Variants in UBE2Z observed in about 807,000 individuals in gnomAD.
UBE2Z encodes the protein ubiquitin-conjugating enzyme E2 Z.
UBE2Z carries 10 observed loss-of-function variants against 32.6 expected under a neutral mutation model. The observed-to-expected ratio is 0.31, with a 90% confidence interval of 0.19 to 0.52. The LOEUF (loss-of-function observed/expected upper bound fraction) is 0.52. Among genes scored for constraint, UBE2Z ranks in the 20% least tolerant of loss-of-function variants. The pLI, the probability that UBE2Z is intolerant of heterozygous loss-of-function variation, is 0.97. For synonymous variants in UBE2Z, 183 were observed against 190.8 expected (o/e 0.96, Z 0.34); for missense variants, 343 against 480.9 (o/e 0.71, Z 2.68).
rs1280771034 is a variant in UBE2Z, at chr17:48,913,014, A to G, written c.571A>G (p.Ile191Val). 2 of 1,613,682 alleles carry G rather than the reference A, an allele frequency of 1.2e-6. No homozygotes were observed. Among genetic ancestry groups the G allele is most frequent in the Non-Finnish European group, 1.7e-6 (2 of 1,179,656 alleles). Reference protein sequence around the residue: ...FYRNGKVCLSILGTWTGPAWS... With the variant: ...FYRNGKVCLSVLGTWTGPAWS... ...CCGCAATGGGAAAGTCTGCTTGAGT[A>G]TTCTAGGGTAAGAGGAGACTTTTAA... The change falls in exon 3 of 7, where the codon ATT becomes GTT. Residue 191 changes from isoleucine to valine, a missense_variant. By Grantham distance (29) the Ile-to-Val change is conservative. Coordinates refer to ENST00000360943, the MANE Select transcript of UBE2Z (RefSeq NM_023079.5).
At chr17:48,925,791 T>C (rs76600803) in intron 6 of UBE2Z, among the ~76,000 whole-genome samples, 148 of 152,240 alleles carry the variant, frequency 9.7e-4, no homozygotes, top group African/African-American at 3.5e-3. Flanking sequence ...GGGAGTTAAC[T>C]CTCATGAAGG....
chr17:48,925,363 C>T (rs1307000306), intron 6 of UBE2Z, among the ~76,000 whole-genome samples: 9 of 152,012 alleles, frequency 5.9e-5, no homozygotes, highest in East Asian at 1.9e-4. Flanking sequence ...CTCCAGCTCT[C>T]GTACTATGTC....
chr17:48,922,640 G>T (rs956905533), intron 5 of UBE2Z, among the ~76,000 whole-genome samples: 1 of 150,734 alleles, frequency 6.6e-6, no homozygotes, highest in Non-Finnish European at 1.5e-5. Context: ...GGTGGCATAT[G>T]CCTGTAATCC....
chr17:48,914,678 T>C (rs1425319558), intron 3 of UBE2Z, among the ~76,000 whole-genome samples: 1 of 152,020 alleles, frequency 6.6e-6, no homozygotes, highest in African/African-American at 2.4e-5. Flanking sequence ...GTGTGTTAGG[T>C]AGAAAAGGAG....
At chr17:48,918,236 C>T (rs1598074512) in intron 4 of UBE2Z, among the ~76,000 whole-genome samples, 1 of 152,112 alleles carries the variant, frequency 6.6e-6, no homozygotes, top group East Asian at 1.9e-4. Context: ...CCATGCCTGG[C>T]CAACTTAATT....
chr17:48,922,694 G>C (rs1439359911), intron 5 of UBE2Z, among the ~76,000 whole-genome samples, 153 bp from the exon 6 acceptor site: 2 of 151,992 alleles, frequency 1.3e-5, no homozygotes. Context: ...ATGAATCCGG[G>C]AGGCAGAGGT....
rs142150875 is a variant in UBE2Z at position 48,912,423 on chromosome 17, C to T, written c.391-411C>T. On this transcript the variant is annotated intron_variant, in intron 2 of 6. Transcript: ENST00000360943. Reference sequence around the variant, plus strand: ...TGTGTCGATTTCTCAAAATTAAAAACGCTAGGGTTATATTTTATAGATAAG... The same window carrying T: ...TGTGTCGATTTCTCAAAATTAAAAATGCTAGGGTTATATTTTATAGATAAG... 5.7e-3 allele frequency: 911 copies of T among 160,088 alleles called. 8 individuals are homozygous for T. Among genetic ancestry groups the T allele is most frequent in the African/African-American group, 0.021 (864 of 41,698 alleles). 9.9% of individuals were successfully genotyped at this position (160,088 alleles called of 1,614,324 possible).
intron 2 of UBE2Z, 100 bp downstream of exon 2, chr17:48,910,980 C>G (rs902445360): frequency 1.4e-5 from 14 of 974,220 alleles, no homozygotes; most frequent in Non-Finnish European, 2.3e-5. Context: ...TCCGATTACA[C>G]AGATGAAGAA....
chr17:48,922,979 G>A (rs376266269), intron 6 of UBE2Z, 42 bp downstream of exon 6: 3 of 1,555,496 alleles, frequency 1.9e-6, no homozygotes, highest in African/African-American at 2.7e-5. Flanking sequence ...CCCTACAGCT[G>A]GCCATGTAAA....
chr17:48,914,446 T>C (rs2040704657), intron 3 of UBE2Z, among the ~76,000 whole-genome samples: 1 of 152,202 alleles, frequency 6.6e-6, no homozygotes, highest in East Asian at 1.9e-4. Context: ...AAGAAGTCTT[T>C]TAAAGGAGGT....
rs1210254404 is a variant in UBE2Z at position 48,908,673 on chromosome 17, G to C, written c.170G>C (p.Gly57Ala). The change falls in exon 1 of 7, where the codon GGC (glycine) becomes GCC (alanine). Residue 57 changes from glycine (G) to alanine (A), a missense_variant. By Grantham distance (60) the Gly-to-Ala change is moderately conservative. This residue lies in a region of UBE2Z where 103 missense variants were observed against 96.2 expected (regional missense o/e 1.07). Coordinates refer to ENST00000360943, the MANE Select transcript of UBE2Z (RefSeq NM_023079.5). ...AAAAAAGGAG[G>A]PGSGLAPLPG... ...GCGGCGGCAGCGGGCGGGGCCGGGG[G>C]CCCGGGGAGCGGCCTGGCTCCGCTG... 1.6e-5 allele frequency: 20 copies of C among 1,225,422 alleles called. No homozygotes were observed. The highest frequency in any genetic ancestry group is 4.4e-5 in the Admixed American group (1 of 22,904). 75.9% of individuals were successfully genotyped at this position (1,225,422 alleles called of 1,614,324 possible). A position where few individuals can be genotyped will look rare whatever the true frequency, so the allele number is the denominator to read the frequency against.
chr17:48,909,706 A>G lies in UBE2Z; in HGVS notation c.317+886A>G, dbSNP rs139576980. Reference sequence around the variant, plus strand: ...ATGATGTTTTCCAGAAGCACATAGAATAGTACCTATCGCATAAGAAAAGGG... The same window carrying G: ...ATGATGTTTTCCAGAAGCACATAGAGTAGTACCTATCGCATAAGAAAAGGG... On this transcript the variant is annotated intron_variant, in intron 1 of 6. Coordinates refer to ENST00000360943, the MANE Select transcript of UBE2Z (RefSeq NM_023079.5). Among the ~76,000 whole-genome samples the G allele has an allele frequency of 1.0e-3, 155 of 152,226 alleles. 4 individuals are homozygous for G. In the East Asian group the frequency reaches 0.027, roughly 26 times the overall value.
intron 4 of UBE2Z, among the ~76,000 whole-genome samples, chr17:48,916,542 C>T (rs987547689): frequency 8.6e-5 from 13 of 151,288 alleles, no homozygotes; most frequent in African/African-American, 1.9e-4. Flanking sequence ...TGAGCCACCG[C>T]GCCCAGCCAG....
intron 2 of UBE2Z, chr17:48,911,449 T>G (rs935189485): frequency 6.5e-6 from 1 of 153,066 alleles, no homozygotes; most frequent in African/African-American, 2.4e-5. Flanking sequence ...GTCACATTTC[T>G]CTGGCATAGA....
At chr17:48,920,273 T>A (rs2040750025) in intron 4 of UBE2Z, among the ~76,000 whole-genome samples, 1 of 152,072 alleles carries the variant, frequency 6.6e-6, no homozygotes, top group African/African-American at 2.4e-5. Flanking sequence ...GGCAGGTGGA[T>A]TACCTGAGGT....
chr17:48,913,016 T>C lies in UBE2Z; in HGVS notation c.573T>C (p.Ile191=), dbSNP rs765942645. 5.6e-6 allele frequency: 9 copies of C among 1,613,678 alleles called. No homozygotes were observed. The highest frequency in any genetic ancestry group is 7.6e-6 in the Non-Finnish European group (9 of 1,179,664). The change falls in exon 3 of 7, where the codon ATT becomes ATC. Residue 191 remains isoleucine (I), a synonymous_variant. Transcript: ENST00000360943. ...FYRNGKVCLS[I]LGTWTGPAWS... is the part of the protein sequence containing the mutation. Reference sequence around the variant, plus strand: ...GCAATGGGAAAGTCTGCTTGAGTATTCTAGGGTAAGAGGAGACTTTTAAGT... The same window carrying C: ...GCAATGGGAAAGTCTGCTTGAGTATCCTAGGGTAAGAGGAGACTTTTAAGT...
chr17:48,917,564 C>A (rs950592091), intron 4 of UBE2Z, among the ~76,000 whole-genome samples: 15 of 152,074 alleles, frequency 9.9e-5, no homozygotes, highest in African/African-American at 3.6e-4. Context: ...AGGAGCTAGT[C>A]ATTAGGAGTC....
In UBE2Z at chr17:48,927,327, G is replaced by A; in HGVS notation, c.*193G>A. On this transcript the variant is annotated 3_prime_UTR_variant, in exon 7 of 7. Coordinates refer to ENST00000360943, the MANE Select transcript of UBE2Z (RefSeq NM_023079.5). ...TTCCCGGTCTGACCTCCTTGGCACT[G>A]GAGCATCTGGGGCTTCGTTCATCCA... is the stretch of plus-strand genomic sequence containing the variant. 1.7e-6 allele frequency: 1 copy of A among 595,506 alleles called. No individual in the cohort carries two copies. Among genetic ancestry groups the A allele is most frequent in the Admixed American group, 3.0e-5 (1 of 33,474 alleles). 36.9% of individuals were successfully genotyped at this position (595,506 alleles called of 1,614,324 possible). A position where few individuals can be genotyped will look rare whatever the true frequency, so the allele number is the denominator to read the frequency against.
Position 48,927,520 on chromosome 17 carries a change from G to T in UBE2Z, c.*386G>T. ...GGAGTGTGCCCAAATGATTTATGGG[G>T]ATACCTGGAAGGGAGCTTGGGGTGG... On this transcript the variant is annotated 3_prime_UTR_variant, in exon 7 of 7. Coordinates refer to ENST00000360943, the MANE Select transcript of UBE2Z (RefSeq NM_023079.5). The T allele has an allele frequency of 5.7e-6, 1 of 176,382 alleles. No individual in the cohort carries two copies. The highest frequency in any genetic ancestry group is 1.2e-5 in the Non-Finnish European group (1 of 81,852). 10.9% of individuals were successfully genotyped at this position (176,382 alleles called of 1,614,324 possible).
Sources: gnomAD v4.1 joint callset for allele counts (sites outside exome capture counted in the v4.1 genomes callset) on GRCh38, gnomAD v4.1.1 for gene constraint, gnomAD v4.1.1 regional missense constraint, MANE v1.5 for transcripts, NCBI Gene and HGNC (gene_info 2026-07-23, HGNC 2026-07-21) for gene names.